The following DNAJC14 variants were observed in gnomAD, a reference collection of about 807,000 sequenced individuals.
DNAJC14 encodes the protein dnaJ homolog subfamily C member 14.
In DNAJC14, 12 loss-of-function variants were observed where a neutral mutation model predicts 68.8. The observed-to-expected ratio is 0.17, with a 90% CI of 0.11 to 0.28. The LOEUF (loss-of-function observed/expected upper bound fraction) is 0.28, where lower values mean the gene tolerates loss of function less well. Among genes scored for constraint, DNAJC14 ranks in the 10% least tolerant of loss-of-function variants. The pLI, the probability that DNAJC14 is intolerant of heterozygous loss-of-function variation, is 1.00. For missense variants in DNAJC14, 764 were observed against 875.6 expected, an observed-to-expected ratio of 0.87 and a Z score of 1.61; for synonymous variants, 350 against 321.5, an observed-to-expected ratio of 1.09 and a Z score of -0.95.
intron 2 of DNAJC14, among the ~76,000 whole-genome samples, chr12:55,825,239 T>A (rs938272577): frequency 6.6e-6 from 1 of 152,098 alleles, no homozygotes; most frequent in African/African-American, 2.4e-5. Flanking sequence ...GGTGGTTTAC[T>A]GTACCTTTAA....
At chr12:55,829,274 G>A (rs1880900704) in intron 1 of DNAJC14, 3 of 861,072 alleles carry the variant, frequency 3.5e-6, no homozygotes, top group South Asian at 5.3e-5. Flanking sequence ...GTGAAACTCC[G>A]TCTCTACTAA....
rs1280936395 is a variant in DNAJC14 at position 55,827,697 on chromosome 12, G to A, written c.962C>T (p.Thr321Ile). The A allele has an allele frequency of 6.2e-7, 1 of 1,614,090 alleles. No individual in the cohort carries two copies. Among genetic ancestry groups the A allele is most frequent in the Non-Finnish European group, 8.5e-7 (1 of 1,180,014 alleles). The stretch of plus-strand genomic sequence containing the variant: ...AGCACCCAGCAGCTTAAGAAAACGA[G>A]TAAACAGTCCTACTCCACAGTAAAA... The part of the protein sequence containing the change: ...QGFYCGVGLF[T>I]RFLKLLGALL... The change falls in exon 2 of 7, where the codon ACT becomes ATT. Residue 321 changes from threonine (T) to isoleucine (I), a missense_variant. Transcript: ENST00000678005.
In DNAJC14 at chr12:55,827,843, G is replaced by A. The variant is rs1436248442; in HGVS notation, c.816C>T (p.Leu272=). 1 of 1,613,934 alleles carries A rather than the reference G, an allele frequency of 6.2e-7. No individual in the cohort carries two copies. Among genetic ancestry groups the A allele is most frequent in the Non-Finnish European group, 8.5e-7 (1 of 1,179,866 alleles). ...TTTTCAGTTGCCTGCAGGCATAGAT[G>A]AGATGGCCACAAGTTTCTACGTACT... The part of the protein sequence containing the change: ...VGEYVETCGH[L]IYACRQLKSS... The change falls in exon 2 of 7, where the codon CTC becomes CTT. Residue 272 remains leucine, a synonymous_variant. Coordinates refer to ENST00000678005, the MANE Select transcript of DNAJC14 (RefSeq NM_032364.6).
In DNAJC14 at chr12:55,822,715, C is replaced by T. The variant is rs1409549604; in HGVS notation, c.1652G>A (p.Arg551Gln). Residue 551 changes from arginine to glutamine, a missense_variant, in exon 5 of 7, where the codon CGG becomes CAG. Arg to Gln is a conservative substitution (Grantham distance 43, BLOSUM62 1). Around this residue, in one of 4 missense-constraint regions of DNAJC14, gnomAD observed 110 missense variants for 162.7 expected, o/e 0.68. Coordinates refer to ENST00000678005, the MANE Select transcript of DNAJC14 (RefSeq NM_032364.6). ...ACAGTATCTGGCACTCTTAGGTTCC[C>T]GGTCCATTTCAAACCTCCTGCAACC... ...QGKHRRFEMD[R>Q]EPKSARYCAE... is the part of the protein sequence containing the mutation. 2 of 1,613,908 alleles carry T rather than the reference C, an allele frequency of 1.2e-6. No individual in the cohort carries two copies. Among genetic ancestry groups the T allele is most frequent in the Non-Finnish European group, 8.5e-7 (1 of 1,179,982 alleles).
chr12:55,825,057 G>A (rs1444356785), intron 2 of DNAJC14, among the ~76,000 whole-genome samples: 1 of 151,466 alleles, frequency 6.6e-6, no homozygotes, highest in Non-Finnish European at 1.5e-5. Context: ...CTAAGCCTGG[G>A]GGATCAAGGC....
chr12:55,825,793 C>A (rs1271175677), intron 2 of DNAJC14, among the ~76,000 whole-genome samples: 4 of 151,984 alleles, frequency 2.6e-5, no homozygotes, highest in African/African-American at 9.7e-5. Flanking sequence ...ATCTGCCCAC[C>A]TCACCCTCCC....
Position 55,822,004 on chromosome 12 carries a change from C to G in DNAJC14, c.2082G>C (p.Lys694Asn). Residue 694 changes from lysine (K) to asparagine (N), a missense_variant, in exon 7 of 7, where the codon AAG (lysine) becomes AAC (asparagine). Transcript: ENST00000678005. Reference protein sequence around the residue: ...PKGEAKPKRRKKVRRPFQR With the variant: ...PKGEAKPKRRNKVRRPFQR Reference sequence around the variant, plus strand: ...AACGTTGGAAGGGCCTCCTCACTTTCTTCCGCCGCTTAGGTTTGGCTTCTC... The same window carrying G: ...AACGTTGGAAGGGCCTCCTCACTTTGTTCCGCCGCTTAGGTTTGGCTTCTC... 1 of 1,613,044 alleles carries G rather than the reference C, an allele frequency of 6.2e-7. No homozygotes were observed.
intron 2 of DNAJC14, among the ~76,000 whole-genome samples, chr12:55,827,049 G>C (rs1592594556): frequency 6.6e-6 from 1 of 151,520 alleles, no homozygotes; most frequent in Non-Finnish European, 1.5e-5. Flanking sequence ...AAATTAGCCG[G>C]GCATGGTGGC....
intron 1 of DNAJC14, 95 bp downstream of exon 1, chr12:55,829,394 G>A (rs1880905745): frequency 4.6e-5 from 45 of 982,996 alleles, no homozygotes; most frequent in Non-Finnish European, 5.1e-5. Context: ...GCAGTGAACC[G>A]AGATCGTGCC....
Position 55,827,273 on chromosome 12 carries a change from G to C in DNAJC14, c.1386C>G (p.Ala462=), listed in dbSNP as rs758761507. The C allele has an allele frequency of 4.5e-6, 7 of 1,550,250 alleles. No individual in the cohort carries two copies. The highest frequency in any genetic ancestry group is 1.7e-4 in the Middle Eastern group (1 of 5,734). The change falls in exon 2 of 7, where the codon GCC becomes GCG. Residue 462 remains alanine, a synonymous_variant. Coordinates refer to ENST00000678005, the MANE Select transcript of DNAJC14 (RefSeq NM_032364.6). ...ATASDVELKK[A]YRQLAVMVHP... is the part of the protein sequence containing the mutation. ...TCACCATCACTGCCAGCTGTCTATA[G>C]GCCTTCTTCAGTTCAACATCTGATG...
Position 55,827,876 on chromosome 12 carries a change from C to T in DNAJC14, c.783G>A (p.Leu261=). ...CACAAGTTTCTACGTACTCTCCCAC[C>T]AATACCAGCAGTTCAATCAGCCACC... ...GFWWLIELLV[L]VGEYVETCGH... is the part of the protein sequence containing the mutation. The change falls in exon 2 of 7, where the codon TTG becomes TTA. Residue 261 remains leucine, a synonymous_variant. Coordinates refer to ENST00000678005, the MANE Select transcript of DNAJC14 (RefSeq NM_032364.6). 1 of 1,611,826 alleles carries T rather than the reference C, an allele frequency of 6.2e-7. No individual in the cohort carries two copies. Among genetic ancestry groups the T allele is most frequent in the East Asian group, 2.2e-5 (1 of 44,814 alleles).
rs1354972017 is a variant in DNAJC14, at chr12:55,829,566, C to CTCCGCCTCCCGCTCACGCTCTGCT, written c.-135_-134insAGCAGAGCGTGAGCGGGAGGCGGA. ...TGAGCTACGAGAGCCGCTCTCCCGG[C>CTCCGCCTCCCGCTCACGCTCTGCT]TCCGCCTCCCGCTCACGCTCTGCTT... is the stretch of plus-strand genomic sequence containing the variant. On this transcript the variant is annotated 5_prime_UTR_variant, in exon 1 of 7. Transcript: ENST00000678005. 2 of 985,504 alleles carry CTCCGCCTCCCGCTCACGCTCTGCT rather than the reference C, an allele frequency of 2.0e-6. No homozygotes were observed. The highest frequency in any genetic ancestry group is 1.2e-4 in the Admixed American group (2 of 16,292). The allele number at this position is 985,504 out of a possible 1,614,324, so 61.0% of individuals were successfully genotyped here.
At chr12:55,829,142 G>C (rs748775005) in intron 1 of DNAJC14, 12 of 987,210 alleles carry the variant, frequency 1.2e-5, no homozygotes, top group Non-Finnish European at 3.6e-6. Flanking sequence ...GGAACCCACC[G>C]GCTGTGTAGA....
intron 4 of DNAJC14, 30 bp downstream of exon 4, chr12:55,823,040 T>C: frequency 1.9e-6 from 3 of 1,611,850 alleles, no homozygotes; most frequent in Non-Finnish European, 2.5e-6. Context: ...TGAGCTGTGA[T>C]TGTCCCATCC....
intron 3 of DNAJC14, 38 bp downstream of exon 3, chr12:55,823,364 A>G (rs369591106): frequency 1.2e-5 from 20 of 1,610,258 alleles, no homozygotes; most frequent in African/African-American, 9.4e-5. Flanking sequence ...AGGATTTTTC[A>G]TTTACCATTA....
chr12:55,828,613 G>T lies in DNAJC14; in HGVS notation c.46C>A (p.His16Asn). The T allele has an allele frequency of 1.2e-6, 2 of 1,614,118 alleles. No homozygotes were observed. Among genetic ancestry groups the T allele is most frequent in the South Asian group, 1.1e-5 (1 of 91,076 alleles). Residue 16 changes from histidine (H) to asparagine (N), a missense_variant, in exon 2 of 7, where the codon CAC (histidine) becomes AAC (asparagine). Transcript: ENST00000678005. ...PGERGLYGAH[H>N]SGGASLRTLG... ...GTCCTGAGGGAGGCACCACCACTGT[G>T]GTGGGCTCCATACAACCCTCTTTCT...
At chr12:55,824,052 T>G (rs908571456) in intron 2 of DNAJC14, among the ~76,000 whole-genome samples, 1 of 151,932 alleles carries the variant, frequency 6.6e-6, no homozygotes, top group Non-Finnish European at 1.5e-5. Context: ...ATATCTATCA[T>G]GGATTGTTGG....
Position 55,827,260 on chromosome 12 carries a change from C to T in DNAJC14, c.1399G>A (p.Ala467Thr). ...VELKKAYRQLAVMVHPDKNHH... is the reference protein window; with the variant it reads ...VELKKAYRQLTVMVHPDKNHH... ...AACAGAAGGGTACTCACCATCACTGCCAGCTGTCTATAGGCCTTCTTCAGT... is the reference window on the plus strand; with the variant it reads ...AACAGAAGGGTACTCACCATCACTGTCAGCTGTCTATAGGCCTTCTTCAGT... Residue 467 changes from alanine (A) to threonine (T), a missense_variant, in exon 2 of 7, where the codon GCA becomes ACA. By Grantham distance (58) the Ala-to-Thr change is moderately conservative (BLOSUM62 0). Transcript: ENST00000678005. 1 of 1,491,484 alleles carries T rather than the reference C, an allele frequency of 6.7e-7. No individual in the cohort carries two copies. Among genetic ancestry groups the T allele is most frequent in the Non-Finnish European group, 8.9e-7 (1 of 1,117,352 alleles). The allele number at this position is 1,491,484 out of a possible 1,614,324, so 92.4% of individuals were successfully genotyped here.
At chr12:55,824,795 G>A (rs985523800) in intron 2 of DNAJC14, among the ~76,000 whole-genome samples, 1 of 152,112 alleles carries the variant, frequency 6.6e-6, no homozygotes, top group African/African-American at 2.4e-5. Context: ...ACTACTAGTA[G>A]AATTAGTAAC....
Sources: gnomAD v4.1 joint callset for allele counts (sites outside exome capture counted in the v4.1 genomes callset) on GRCh38, gnomAD v4.1.1 for gene constraint, gnomAD v4.1.1 regional missense constraint, MANE v1.5 for transcripts, NCBI Gene and HGNC (gene_info 2026-07-23, HGNC 2026-07-21) for gene names.